ATP11B: variants seen among roughly 807,000 people sequenced by gnomAD.
The protein encoded by ATP11B is phospholipid-transporting ATPase IF.
A neutral mutation model predicts 157.8 loss-of-function variants in ATP11B; 81 were observed. The observed-to-expected ratio is 0.51, with a 90% CI of 0.43 to 0.62. The LOEUF (loss-of-function observed/expected upper bound fraction) is 0.62, where lower values mean the gene tolerates loss of function less well. Among genes scored for constraint, ATP11B ranks in the 20% least tolerant of loss-of-function variants. The probability of loss-of-function intolerance (pLI) is 0.00; values close to 1 mark genes in which losing one functional copy is unlikely to be tolerated. For missense variants in ATP11B, 1,165 were observed against 1,402.2 expected (o/e 0.83, Z 2.70); for synonymous variants, 451 against 469.4 (o/e 0.96, Z 0.51).
chr3:182,827,026 A>G (rs946831433), intron 2 of ATP11B, among the ~76,000 whole-genome samples: 1 of 152,144 alleles, frequency 6.6e-6, no homozygotes, highest in African/African-American at 2.4e-5. Context: ...TTATTCATTA[A>G]TCTATTCTGC....
intron 2 of ATP11B, among the ~76,000 whole-genome samples, chr3:182,825,739 A>T (rs79226287): frequency 6.7e-6 from 1 of 149,620 alleles, no homozygotes; most frequent in Non-Finnish European, 1.5e-5. Flanking sequence ...AAAAAAAAAA[A>T]ATACAGAAAA....
chr3:182,842,322 G>T (rs114789838), intron 8 of ATP11B, among the ~76,000 whole-genome samples, 200 bp downstream of exon 8: 5 of 152,152 alleles, frequency 3.3e-5, no homozygotes, highest in Non-Finnish European at 2.9e-5. Context: ...AAGCTAGAGT[G>T]TTTAGTGGTC....
intron 21 of ATP11B, among the ~76,000 whole-genome samples, chr3:182,883,497 A>G (rs548774835): frequency 2.6e-5 from 4 of 151,766 alleles, no homozygotes; most frequent in Admixed American, 6.6e-5. Context: ...ACCTCAGGTA[A>G]TCCACCTGCC....
At chr3:182,808,924 C>T (rs1716486862) in intron 1 of ATP11B, among the ~76,000 whole-genome samples, 3 of 151,852 alleles carry the variant, frequency 2.0e-5, no homozygotes, top group South Asian at 2.1e-4. Context: ...TAGTTTTTCC[C>T]TAATGTTCTT....
In ATP11B at chr3:182,872,355, G is replaced by C; in HGVS notation, c.1867-1G>C. On this transcript the variant is annotated splice_acceptor_variant, in intron 17 of 29. Transcript: ENST00000323116. LOFTEE classifies it high-confidence loss of function. ...CTTTAATTTTTATTTGTTTGTTTTAGAAAGGGCTAAGAACTCTGTGTATAG... is the reference window on the plus strand; with the variant it reads ...CTTTAATTTTTATTTGTTTGTTTTACAAAGGGCTAAGAACTCTGTGTATAG... 6.6e-7 allele frequency: 1 copy of C among 1,515,432 alleles called. No individual in the cohort carries two copies. Among genetic ancestry groups the C allele is most frequent in the Non-Finnish European group, 8.9e-7 (1 of 1,127,904 alleles). 93.9% of individuals were successfully genotyped at this position (1,515,432 alleles called of 1,614,324 possible). A position where few individuals can be genotyped will look rare whatever the true frequency, so the allele number is the denominator to read the frequency against.
chr3:182,880,391 C>G (rs1361023092), intron 20 of ATP11B, among the ~76,000 whole-genome samples: 1 of 151,950 alleles, frequency 6.6e-6, no homozygotes, highest in Non-Finnish European at 1.5e-5. Flanking sequence ...GAGCAAATAC[C>G]CAGGTTCTTT....
At chr3:182,851,879 C>T (rs2108525940) in intron 10 of ATP11B, among the ~76,000 whole-genome samples, 1 of 152,174 alleles carries the variant, frequency 6.6e-6, no homozygotes, top group East Asian at 1.9e-4. Context: ...AGAGCCAGAC[C>T]CAACTATATG....
intron 1 of ATP11B, among the ~76,000 whole-genome samples, chr3:182,806,079 C>T (rs754338872): frequency 2.6e-5 from 4 of 152,060 alleles, no homozygotes; most frequent in Admixed American, 6.6e-5. Flanking sequence ...AGCAAGAGTT[C>T]ATGAGTGGTA....
rs1465255581 is a variant in ATP11B, at chr3:182,869,270, T to C, written c.1805T>C (p.Leu602Pro). The C allele has an allele frequency of 6.2e-7, 1 of 1,610,828 alleles. No homozygotes were observed. Among genetic ancestry groups the C allele is most frequent in the Non-Finnish European group, 8.5e-7 (1 of 1,178,654 alleles). The change falls in exon 17 of 30, where the codon CTC (leucine) becomes CCC (proline). Residue 602 changes from leucine (L) to proline (P), a missense_variant. This residue lies in a region of ATP11B where 737 missense variants were observed against 930.5 expected (regional missense o/e 0.79). Coordinates refer to ENST00000323116, the MANE Select transcript of ATP11B (RefSeq NM_014616.3). The part of the protein sequence containing the change: ...LFAKGAESSI[L>P]PKCIGGEIEK... ...GCTAAAGGAGCTGAGTCATCAATTC[T>C]CCCTAAATGTATAGGTGGAGAAATA...
chr3:182,795,034 CAAAAA>C (rs10582019), intron 1 of ATP11B, among the ~76,000 whole-genome samples: 2 of 139,072 alleles, frequency 1.4e-5, no homozygotes, highest in Non-Finnish European at 3.2e-5. Context: ...GCATCATTCT[CAAAAA>C]AAAAAAAAAA....
At chr3:182,803,810 C>T (rs774396256) in intron 1 of ATP11B, among the ~76,000 whole-genome samples, 21 of 152,276 alleles carry the variant, frequency 1.4e-4, no homozygotes, top group Non-Finnish European at 2.1e-4. Flanking sequence ...AGGACACGTA[C>T]CAGCATTCTC....
intron 1 of ATP11B, among the ~76,000 whole-genome samples, chr3:182,804,776 T>C (rs1716226739): frequency 6.6e-6 from 1 of 152,210 alleles, no homozygotes; most frequent in East Asian, 1.9e-4. Context: ...TTAACTGTCA[T>C]TCCCCATTTT....
At chr3:182,830,293 C>T (rs1339605938) in intron 4 of ATP11B, among the ~76,000 whole-genome samples, 1 of 150,004 alleles carries the variant, frequency 6.7e-6, no homozygotes, top group Non-Finnish European at 1.5e-5. Flanking sequence ...ACTGCACTCC[C>T]ACCTGGTTGA....
chr3:182,904,555 C>G (rs1180911292), intron 28 of ATP11B, among the ~76,000 whole-genome samples: 1 of 152,192 alleles, frequency 6.6e-6, no homozygotes, highest in African/African-American at 2.4e-5. Flanking sequence ...TATCAGATAT[C>G]TTTAAGAGCT....
chr3:182,867,861 G>A (rs1470563564), intron 15 of ATP11B, among the ~76,000 whole-genome samples: 5 of 152,124 alleles, frequency 3.3e-5, no homozygotes, highest in Non-Finnish European at 5.9e-5. Context: ...GTGATCCACT[G>A]TGCCTGGCCC....
At chr3:182,870,077 G>C (rs1298624006) in intron 17 of ATP11B, among the ~76,000 whole-genome samples, 1 of 148,230 alleles carries the variant, frequency 6.7e-6, no homozygotes, top group Non-Finnish European at 1.5e-5. Flanking sequence ...GCTCATTAAT[G>C]ATTGCCAGGG....
intron 2 of ATP11B, 78 bp downstream of exon 2, chr3:182,820,454 C>T (rs1717258827): frequency 7.2e-6 from 7 of 967,840 alleles, no homozygotes; most frequent in African/African-American, 3.2e-5. Flanking sequence ...GAGGCCAAGG[C>T]GAGAGGATCG....
At chr3:182,893,024 C>G (rs1184947205) in intron 25 of ATP11B, among the ~76,000 whole-genome samples, 2 of 152,140 alleles carry the variant, frequency 1.3e-5, no homozygotes, top group African/African-American at 4.8e-5. Context: ...AGCCCTTATC[C>G]AGTCTTAAAG....
At chr3:182,862,668 T>C (rs1399231829) in intron 12 of ATP11B, among the ~76,000 whole-genome samples, 1 of 152,186 alleles carries the variant, frequency 6.6e-6, no homozygotes, top group Non-Finnish European at 1.5e-5. Flanking sequence ...CCTGAGCGTT[T>C]CTGAGAATGG....
Sources: allele counts gnomAD v4.1 joint callset (sites outside exome capture counted in the v4.1 genomes callset), GRCh38; gene constraint gnomAD v4.1.1; regional missense constraint gnomAD v4.1.1; transcripts MANE v1.5; gene names NCBI Gene and HGNC (gene_info 2026-07-23, HGNC 2026-07-21).